The following CSNK1G1 variants were observed in gnomAD, a reference collection of about 807,000 sequenced individuals.
The protein encoded by CSNK1G1 is casein kinase I isoform gamma-1.
A neutral mutation model predicts 59.6 loss-of-function variants in CSNK1G1; 22 were observed. The observed-to-expected ratio is 0.37, with a 90% confidence interval of 0.26 to 0.53. The LOEUF (loss-of-function observed/expected upper bound fraction) is 0.53, where lower values mean the gene tolerates loss of function less well. Ranked by LOEUF, CSNK1G1 falls within the 20% of genes least tolerant of loss-of-function variation. The pLI, the probability that CSNK1G1 is intolerant of heterozygous loss-of-function variation, is 0.89. For missense variants in CSNK1G1, 384 were observed against 519.5 expected (o/e 0.74, Z 2.54); for synonymous variants, 179 against 177.1 (o/e 1.01, Z -0.08).
intron 10 of CSNK1G1, among the ~76,000 whole-genome samples, chr15:64,199,267 A>AAAAAAG (rs1458266334): frequency 1.4e-5 from 2 of 146,800 alleles, no homozygotes; most frequent in African/African-American, 4.9e-5. Context: ...AAAAAAAAAA[A>AAAAAAG]AAAAAGAAAA....
intron 2 of CSNK1G1, among the ~76,000 whole-genome samples, chr15:64,276,995 T>C (rs1343637427): frequency 6.8e-6 from 1 of 147,080 alleles, no homozygotes; most frequent in African/African-American, 2.5e-5. Context: ...GAAAAAACAA[T>C]CATGAACAGA....
At chr15:64,243,920 G>A (rs978217334) in intron 4 of CSNK1G1, among the ~76,000 whole-genome samples, 9 of 151,852 alleles carry the variant, frequency 5.9e-5, no homozygotes, top group Admixed American at 5.3e-4. Flanking sequence ...TGCAATCCCA[G>A]CACTTTGGGA....
chr15:64,238,813 C>A (rs1332040731), intron 4 of CSNK1G1, among the ~76,000 whole-genome samples: 2 of 151,830 alleles, frequency 1.3e-5, no homozygotes, highest in Non-Finnish European at 2.9e-5. Flanking sequence ...ACCCAACCCC[C>A]TGGATCTGGG....
At chr15:64,177,203 T>C (rs190586678) in intron 11 of CSNK1G1, among the ~76,000 whole-genome samples, 38 of 152,180 alleles carry the variant, frequency 2.5e-4, no homozygotes, top group African/African-American at 8.7e-4. Flanking sequence ...AAAGTGAAGG[T>C]TTCACATGGT....
rs1255312820 is a variant in CSNK1G1, at chr15:64,166,775, C to A, written c.*5156G>T. The A allele has an allele frequency of 6.6e-6, 1 of 152,616 alleles. No homozygotes were observed. Among genetic ancestry groups the A allele is most frequent in the African/African-American group, 2.4e-5 (1 of 41,426 alleles). 9.5% of individuals were successfully genotyped at this position (152,616 alleles called of 1,614,324 possible). A position where few individuals can be genotyped will look rare whatever the true frequency, so the allele number is the denominator to read the frequency against. ...GAGGGGTGGGTGGGGACATTCAGAA[C>A]AGCTGTCCTCTTGTGGGTGTTACTG... is the stretch of plus-strand genomic sequence containing the variant. On this transcript the variant is annotated 3_prime_UTR_variant, in exon 12 of 12. Coordinates refer to ENST00000303052, the MANE Select transcript of CSNK1G1 (RefSeq NM_022048.5). This position sits in a 1 kb window ranked among gnomAD's most constrained non-coding sequence, Gnocchi z 4.5.
intron 1 of CSNK1G1, among the ~76,000 whole-genome samples, chr15:64,303,110 T>C (rs577491298): frequency 2.8e-4 from 43 of 151,928 alleles, no homozygotes; most frequent in Non-Finnish European, 4.7e-4. Flanking sequence ...GTGCCTATAG[T>C]CTCCAGTTAC....
At chr15:64,229,939 T>TTTTTTTTTTTA (rs768405168) in intron 4 of CSNK1G1, among the ~76,000 whole-genome samples, 4 of 121,504 alleles carry the variant, frequency 3.3e-5, no homozygotes, top group Non-Finnish European at 3.4e-5. Flanking sequence ...TTTTTTTTTT[T>TTTTTTTTTTTA]AAGACAGAAT....
chr15:64,177,633 T>C (rs549446664), intron 11 of CSNK1G1, among the ~76,000 whole-genome samples: 157 of 152,324 alleles, frequency 1.0e-3, no homozygotes, highest in Non-Finnish European at 2.0e-3. Context: ...GACAAGACTT[T>C]AAACTCTCCT....
At chr15:64,337,440 CT>C (rs1438857027) in intron 1 of CSNK1G1, among the ~76,000 whole-genome samples, 2 of 152,076 alleles carry the variant, frequency 1.3e-5, no homozygotes, top group African/African-American at 4.8e-5. Context: ...CCTCGAACTC[CT>C]GGGTTCAAGC....
chr15:64,287,622 T>C (rs780740321), intron 2 of CSNK1G1, among the ~76,000 whole-genome samples: 1 of 152,174 alleles, frequency 6.6e-6, no homozygotes, highest in Non-Finnish European at 1.5e-5. Context: ...CAATTCACTG[T>C]TGAAGTGGAT....
intron 4 of CSNK1G1, among the ~76,000 whole-genome samples, chr15:64,219,970 C>T (rs1021080143): frequency 2.0e-5 from 3 of 151,906 alleles, no homozygotes; most frequent in African/African-American, 7.3e-5. Context: ...GATGGGATTT[C>T]GCCATGTTGG....
chr15:64,248,032 C>T (rs1891847426), intron 4 of CSNK1G1, among the ~76,000 whole-genome samples: 1 of 152,204 alleles, frequency 6.6e-6, no homozygotes, highest in Admixed American at 6.5e-5. Flanking sequence ...AGACAAAACA[C>T]TAGTGAGTAA....
In CSNK1G1 at chr15:64,170,221, A is replaced by C. The variant is rs1308315837; in HGVS notation, c.*1710T>G. ...ATGAGAAGAGTAACTCCACACATGA[A>C]AGACTTGTCAAACAGTGAATGAGGA... On this transcript the variant is annotated 3_prime_UTR_variant, in exon 12 of 12. Transcript: ENST00000303052. 1 of 152,224 alleles carries C rather than the reference A, an allele frequency of 6.6e-6. No individual in the cohort carries two copies. The highest frequency in any genetic ancestry group is 2.4e-5 in the African/African-American group (1 of 41,454). 9.4% of individuals were successfully genotyped at this position (152,224 alleles called of 1,614,324 possible).
intron 4 of CSNK1G1, among the ~76,000 whole-genome samples, chr15:64,242,352 A>T (rs1359059573): frequency 1.3e-5 from 2 of 152,130 alleles, no homozygotes; most frequent in African/African-American, 4.8e-5. Context: ...TGCTGTCTTC[A>T]TGGTAAGTGA....
chr15:64,303,913 G>A (rs1895513588), intron 1 of CSNK1G1, among the ~76,000 whole-genome samples: 1 of 35,148 alleles, frequency 2.8e-5, no homozygotes, highest in South Asian at 2.1e-3. Flanking sequence ...GCAAGGCCCT[G>A]TCCAAAAAAA....
At chr15:64,319,631 G>A (rs1896453665) in intron 1 of CSNK1G1, among the ~76,000 whole-genome samples, 1 of 152,126 alleles carries the variant, frequency 6.6e-6, no homozygotes, top group Admixed American at 6.5e-5. Flanking sequence ...TGCAACCTCT[G>A]CCTCCCAGGT....
Position 64,188,267 on chromosome 15 carries a change from C to T in CSNK1G1, c.1108-7813G>A. Reference sequence around the variant, plus strand: ...AAAATCTACAGAGATATTCAATTAGCCCTTCCTGTAAGCTTCCTTTCTAAG... The same window carrying T: ...AAAATCTACAGAGATATTCAATTAGTCCTTCCTGTAAGCTTCCTTTCTAAG... On this transcript the variant is annotated intron_variant, in intron 10 of 11. Transcript: ENST00000303052. This position sits in a 1 kb window ranked among gnomAD's most constrained non-coding sequence, Gnocchi z 4.2. The T allele has an allele frequency of 1.4e-6, 1 of 715,136 alleles. No individual in the cohort carries two copies. The highest frequency in any genetic ancestry group is 2.3e-6 in the Non-Finnish European group (1 of 443,042). The allele number at this position is 715,136 out of a possible 1,614,324, so 44.3% of individuals were successfully genotyped here. A position where few individuals can be genotyped will look rare whatever the true frequency, so the allele number is the denominator to read the frequency against.
intron 2 of CSNK1G1, among the ~76,000 whole-genome samples, chr15:64,267,256 C>CAAAAAAAAAA (rs199581105): frequency 4.1e-4 from 25 of 61,292 alleles, no homozygotes; most frequent in East Asian, 5.5e-4. Flanking sequence ...GACCTTATCT[C>CAAAAAAAAAA]AAAAAAAAAA....
intron 1 of CSNK1G1, among the ~76,000 whole-genome samples, chr15:64,302,311 G>A (rs1003070177): frequency 6.6e-6 from 1 of 152,020 alleles, no homozygotes; most frequent in South Asian, 2.1e-4. Context: ...ATGTTGGCCA[G>A]GCTGGTCTCG....
Sources: allele counts gnomAD v4.1 joint callset (sites outside exome capture counted in the v4.1 genomes callset), GRCh38; gene constraint gnomAD v4.1.1; non-coding constraint Gnocchi (gnomAD v3.1); transcripts MANE v1.5; gene names NCBI Gene and HGNC (gene_info 2026-07-23, HGNC 2026-07-21).